Variants in REPS2 observed in about 807,000 individuals in gnomAD.
REPS2 encodes RALBP1 associated Eps domain containing 2, also known as ralBP1-associated Eps domain-containing protein 2.
A neutral mutation model predicts 53.6 loss-of-function variants in REPS2; 23 were observed. The ratio of observed to expected loss-of-function variants is 0.43; its 90% CI spans 0.31 to 0.61. The LOEUF is 0.61. REPS2 is among the 20% of genes least tolerant of loss of function. The pLI is 0.11. For synonymous variants in REPS2, 238 were observed against 218.6 expected, an observed-to-expected ratio of 1.09 and a Z score of -0.78; for missense variants, 446 against 534.9, an observed-to-expected ratio of 0.83 and a Z score of 1.64.
chrX:17,085,023 C>G (rs1387413113), intron 13 of REPS2, among the ~76,000 whole-genome samples: 1 of 112,163 alleles, frequency 8.9e-6, no homozygotes, highest in Non-Finnish European at 1.9e-5. Context: ...ACATTTACGT[C>G]TTCGTTCTGT....
At chrX:17,077,761 C>T (rs2062401991) in intron 13 of REPS2, among the ~76,000 whole-genome samples, 1 of 112,591 alleles carries the variant, frequency 8.9e-6, no homozygotes, top group African/African-American at 3.2e-5. Context: ...CTGTCATTTC[C>T]TCAGATGCCT....
At chrX:17,024,363 GT>G (rs900082438) in intron 3 of REPS2, among the ~76,000 whole-genome samples, 736 of 71,664 alleles carry the variant, frequency 0.01, 29 homozygotes, top group Admixed American at 0.083. Context: ...TACTAGTAAA[GT>G]TTTTTTTTTT....
intron 2 of REPS2, among the ~76,000 whole-genome samples, chrX:17,017,295 G>C (rs767233456): frequency 2.7e-5 from 3 of 112,027 alleles, no homozygotes; most frequent in African/African-American, 9.7e-5. Context: ...AAAGTGGATT[G>C]CTCCATAGCA....
At chrX:17,167,414 A>T in the REPS2 span, among the ~76,000 whole-genome samples, 1 of 110,718 alleles carries the variant, frequency 9.0e-6, no homozygotes, top group Non-Finnish European at 1.9e-5. Context: ...CTTCAGATAG[A>T]CTTCTGTTAC....
At chrX:17,005,307 A>C (rs769736618) in intron 1 of REPS2, among the ~76,000 whole-genome samples, 1 of 111,377 alleles carries the variant, frequency 9.0e-6, no homozygotes, top group Non-Finnish European at 1.9e-5. Flanking sequence ...TAAACAGATA[A>C]TTAATTATAA....
the REPS2 span, among the ~76,000 whole-genome samples, chrX:17,163,466 A>G: frequency 8.9e-6 from 1 of 111,900 alleles, no homozygotes; most frequent in Admixed American, 9.5e-5. Flanking sequence ...ACAAACATGA[A>G]TCTACAAATC....
intron 13 of REPS2, chrX:17,100,045 C>G: frequency 8.6e-7 from 1 of 1,163,836 alleles, no homozygotes; most frequent in Non-Finnish European, 1.2e-6. Context: ...TCTCCCTTAT[C>G]TTCAGAATCA....
At chrX:17,097,479 A>G (rs1057368262) in intron 13 of REPS2, among the ~76,000 whole-genome samples, 1 of 112,129 alleles carries the variant, frequency 8.9e-6, no homozygotes, top group East Asian at 2.8e-4. Flanking sequence ...ATAACCCTAA[A>G]TGCTTACATT....
At position 16,986,875 on chromosome X, in the gene REPS2, G is replaced by A. The variant is rs774266808; in HGVS notation, c.274-19346G>A. On this transcript the variant is annotated intron_variant, in intron 1 of 17. Transcript: ENST00000357277. ...TCCCCCTAGCAGTGAAAAGTAAGGGGATGGATGATTTGGAACTGGTTAGTA... is the reference window on the plus strand; with the variant it reads ...TCCCCCTAGCAGTGAAAAGTAAGGGAATGGATGATTTGGAACTGGTTAGTA... 3.1e-3 allele frequency among the ~76,000 whole-genome samples: 333 copies of A among 109,125 alleles called. 1 individual carries two copies. The highest frequency in any genetic ancestry group is 9.2e-3 in the Middle Eastern group (2 of 217). The allele number at this position is 109,125 out of a possible 115,157, so 94.8% of individuals were successfully genotyped here.
chrX:17,000,825 A>G (rs2061297611), intron 1 of REPS2, among the ~76,000 whole-genome samples: 1 of 111,792 alleles, frequency 8.9e-6, no homozygotes, highest in Non-Finnish European at 1.9e-5. Flanking sequence ...GTTCCCTTTC[A>G]TCAAATCGAT....
chrX:17,072,432 C>G (rs1330329111), intron 11 of REPS2, among the ~76,000 whole-genome samples: 2 of 111,225 alleles, frequency 1.8e-5, no homozygotes, highest in Non-Finnish European at 3.8e-5. Context: ...CTGGCCTGGT[C>G]TCTAGTCCTG....
chrX:16,969,453 C>T (rs1366125727), intron 1 of REPS2, among the ~76,000 whole-genome samples: 1 of 110,065 alleles, frequency 9.1e-6, no homozygotes, highest in African/African-American at 3.3e-5. Flanking sequence ...ACTGAGTGAA[C>T]GAGACTCCGT....
chrX:17,012,284 C>A (rs2061438618), intron 2 of REPS2, among the ~76,000 whole-genome samples: 1 of 110,101 alleles, frequency 9.1e-6, no homozygotes, highest in Non-Finnish European at 1.9e-5. Context: ...GAGGCTGAGG[C>A]AGGAGAATCA....
chrX:17,078,519 T>C (rs2062411073), intron 13 of REPS2, among the ~76,000 whole-genome samples: 1 of 112,340 alleles, frequency 8.9e-6, no homozygotes, highest in African/African-American at 3.2e-5. Flanking sequence ...TCTCATACTT[T>C]GATCTGAATT....
At chrX:17,078,699 G>A (rs944112721) in intron 13 of REPS2, among the ~76,000 whole-genome samples, 1 of 112,162 alleles carries the variant, frequency 8.9e-6, no homozygotes. Context: ...TTGCAAGAAG[G>A]GAGGCTGGAA....
At chrX:17,165,804 C>T in the REPS2 span, among the ~76,000 whole-genome samples, 21 of 110,786 alleles carry the variant, frequency 1.9e-4, no homozygotes, top group Non-Finnish European at 3.8e-4. Context: ...CTTGTTTGCT[C>T]ATGGTGGTGA....
chrX:17,102,128 G>A (rs767649853), intron 13 of REPS2, among the ~76,000 whole-genome samples: 2 of 110,147 alleles, frequency 1.8e-5, no homozygotes, highest in South Asian at 7.7e-4. Context: ...TGTTGCCTAG[G>A]CTGGAGTGCA....
intron 2 of REPS2, among the ~76,000 whole-genome samples, chrX:17,017,361 G>T (rs1395993771): frequency 8.9e-6 from 1 of 111,856 alleles, no homozygotes; most frequent in African/African-American, 3.3e-5. Context: ...CAGACAAAAA[G>T]GTCGTAAAAA....
intron 1 of REPS2, among the ~76,000 whole-genome samples, chrX:16,997,289 C>G (rs181262576): frequency 2.5e-4 from 28 of 112,869 alleles, no homozygotes; most frequent in African/African-American, 7.1e-4. Context: ...TCATTAATTT[C>G]TGGCATTTAA....
Sources: allele counts gnomAD v4.1 joint callset (sites outside exome capture counted in the v4.1 genomes callset), GRCh38; gene constraint gnomAD v4.1.1; transcripts MANE v1.5; gene names NCBI Gene and HGNC (gene_info 2026-07-23, HGNC 2026-07-21).